Variants in ADGRD1 observed in about 807,000 individuals in gnomAD.
ADGRD1 encodes G-protein coupled receptor 133.
ADGRD1 carries 77 observed loss-of-function variants against 113.4 expected under a neutral mutation model. The ratio of observed to expected loss-of-function variants is 0.68; its 90% CI spans 0.57 to 0.82. The LOEUF (loss-of-function observed/expected upper bound fraction) is 0.82, where lower values mean the gene tolerates loss of function less well. Ranked by LOEUF, ADGRD1 falls within the 40% of genes least tolerant of loss-of-function variation. The probability of loss-of-function intolerance (pLI) is 0.00; values close to 1 mark genes in which losing one functional copy is unlikely to be tolerated. For missense variants in ADGRD1, 1,036 were observed against 1,139.1 expected (o/e 0.91, Z 1.30); for synonymous variants, 474 against 475.0 (o/e 1.00, Z 0.03).
In ADGRD1 at chr12:131,014,225, A is replaced by G; in HGVS notation, c.1358A>G (p.Asp453Gly). 1 of 1,614,092 alleles carries G rather than the reference A, an allele frequency of 6.2e-7. No individual in the cohort carries two copies. Among genetic ancestry groups the G allele is most frequent in the Non-Finnish European group, 8.5e-7 (1 of 1,179,988 alleles). The change falls in exon 13 of 25, where the codon GAC (aspartate) becomes GGC (glycine). Residue 453 changes from aspartate (D) to glycine (G), a missense_variant. Transcript: ENST00000261654. ...TKIAEAMHHQ[D>G]CLLFATSHLI... Reference sequence around the variant, plus strand: ...ATCGCGGAGGCCATGCATCACCAGGACTGCCTGCTGTTCGCCACCAGCCAC... The same window carrying G: ...ATCGCGGAGGCCATGCATCACCAGGGCTGCCTGCTGTTCGCCACCAGCCAC...
At chr12:131,042,221 AGTGCTGAAC>A (rs1410006065) in intron 13 of ADGRD1, among the ~76,000 whole-genome samples, 1 of 152,234 alleles carries the variant, frequency 6.6e-6, no homozygotes, top group Admixed American at 6.5e-5. Flanking sequence ...AAACAGCTTA[AGTGCTGAAC>A]AGGCCAAACC....
At chr12:131,066,706 G>A (rs1211594744) in intron 13 of ADGRD1, among the ~76,000 whole-genome samples, 1 of 152,220 alleles carries the variant, frequency 6.6e-6, no homozygotes, top group African/African-American at 2.4e-5. Context: ...GGAGCAGCAC[G>A]TGGGAGGCCT....
intron 11 of ADGRD1, among the ~76,000 whole-genome samples, chr12:131,005,028 C>G (rs985079713): frequency 6.6e-6 from 1 of 152,220 alleles, no homozygotes; most frequent in African/African-American, 2.4e-5. Context: ...GAGGCCACGC[C>G]CCCTTCCCAG....
intron 6 of ADGRD1, chr12:130,989,615 G>A (rs567358590): frequency 1.3e-5 from 2 of 152,378 alleles, no homozygotes; most frequent in East Asian, 3.9e-4. Context: ...GGCCACACAA[G>A]TAGGTAGAAG....
intron 6 of ADGRD1, chr12:130,989,272 C>G (rs1362777504): frequency 6.6e-6 from 1 of 152,238 alleles, no homozygotes; most frequent in Admixed American, 6.5e-5. Flanking sequence ...GCCCTCCTGA[C>G]AGTTTACTTG....
At chr12:131,072,449 G>A (rs140454412) in intron 13 of ADGRD1, among the ~76,000 whole-genome samples, 2,429 of 152,362 alleles carry the variant, frequency 0.016, 27 homozygotes, top group Middle Eastern at 0.054. Flanking sequence ...GGCTGTGCTT[G>A]TCTGCACAAG....
intron 15 of ADGRD1, among the ~76,000 whole-genome samples, chr12:131,089,451 A>G: frequency 6.6e-6 from 1 of 152,228 alleles, no homozygotes; most frequent in East Asian, 1.9e-4. Flanking sequence ...GCCTTCACAC[A>G]GCCGACCACC....
chr12:130,966,906 C>A lies in ADGRD1; in HGVS notation c.187+360C>A. On this transcript the variant is annotated intron_variant, in intron 3 of 24. Transcript: ENST00000261654. The surrounding 1 kb of genome is among the most constrained non-coding windows in gnomAD (Gnocchi z 4.6). ...AAGTGCTGGAATTACAGGCGTGAGC[C>A]ACTGTGCCAGGCCACGAAGCATTTT... 1 of 439,658 alleles carries A rather than the reference C, an allele frequency of 2.3e-6. No homozygotes were observed. Among genetic ancestry groups the A allele is most frequent in the Non-Finnish European group, 4.7e-6 (1 of 213,860 alleles). 27.2% of individuals were successfully genotyped at this position (439,658 alleles called of 1,614,324 possible).
In ADGRD1 at chr12:130,984,318, C is replaced by G. The variant is rs1012984593; in HGVS notation, c.490+2255C>G. Among the ~76,000 whole-genome samples, 2 of 152,154 alleles carry G rather than the reference C, an allele frequency of 1.3e-5. No individual in the cohort carries two copies. The highest frequency in any genetic ancestry group is 1.5e-5 in the Non-Finnish European group (1 of 68,024). ...TGGGGGAGGTGAGTAGGGGCCACCTCGTGATGGGGCAGCCGCCCTTCCACG... is the reference window on the plus strand; with the variant it reads ...TGGGGGAGGTGAGTAGGGGCCACCTGGTGATGGGGCAGCCGCCCTTCCACG... On this transcript the variant is annotated intron_variant, in intron 5 of 24. Coordinates refer to ENST00000261654, the MANE Select transcript of ADGRD1 (RefSeq NM_198827.5). The surrounding 1 kb of genome is among the most constrained non-coding windows in gnomAD (Gnocchi z 4.1).
intron 15 of ADGRD1, among the ~76,000 whole-genome samples, chr12:131,098,611 G>A (rs1372901071): frequency 6.6e-6 from 1 of 152,158 alleles, no homozygotes; most frequent in Non-Finnish European, 1.5e-5. Flanking sequence ...GGAGGTGGGT[G>A]CTCCAAGGGA....
chr12:131,008,805 A>G (rs1877510147), intron 12 of ADGRD1, among the ~76,000 whole-genome samples: 1 of 152,186 alleles, frequency 6.6e-6, no homozygotes. Flanking sequence ...CCTCCTGTGA[A>G]GATGGAAGCC....
Position 131,014,322 on chromosome 12 carries a change from C to T in ADGRD1, c.1455C>T (p.Val485=). The change falls in exon 13 of 25, where the codon GTC becomes GTT. Residue 485 remains valine (V), a synonymous_variant. Transcript: ENST00000261654. ...QNLSGSPLIT[V]HLKHRLTRKQ... is the part of the protein sequence containing the mutation. Reference sequence around the variant, plus strand: ...TGTCGGGCTCTCCACTCATTACGGTCCACCTCAAGCACAGATTGGTGAGTG... The same window carrying T: ...TGTCGGGCTCTCCACTCATTACGGTTCACCTCAAGCACAGATTGGTGAGTG... The T allele has an allele frequency of 6.2e-7, 1 of 1,613,814 alleles. No individual in the cohort carries two copies. Among genetic ancestry groups the T allele is most frequent in the Non-Finnish European group, 8.5e-7 (1 of 1,179,836 alleles).
intron 13 of ADGRD1, among the ~76,000 whole-genome samples, chr12:131,053,279 C>A (rs1176039987): frequency 2.6e-5 from 4 of 152,252 alleles, no homozygotes; most frequent in Non-Finnish European, 5.9e-5. Context: ...CTGCCCCGTT[C>A]CTGTGCTGTG....
intron 2 of ADGRD1, among the ~76,000 whole-genome samples, chr12:130,955,829 C>T (rs866005435): frequency 9.2e-5 from 14 of 152,168 alleles, no homozygotes; most frequent in African/African-American, 3.1e-4. Flanking sequence ...GTCACCCAGG[C>T]TGGAGTTGAG....
At chr12:131,125,613 T>G (rs140383600) in intron 20 of ADGRD1, among the ~76,000 whole-genome samples, 2 of 152,132 alleles carry the variant, frequency 1.3e-5, no homozygotes, top group Non-Finnish European at 2.9e-5. Context: ...AATACAGAGA[T>G]AGATACAGAT....
chr12:131,123,825 C>CAAAA (rs111915156), intron 20 of ADGRD1, among the ~76,000 whole-genome samples: 1 of 90,516 alleles, frequency 1.1e-5, no homozygotes, highest in Non-Finnish European at 2.2e-5. Context: ...GACTCCGTCT[C>CAAAA]AAAAAAAAAA....
intron 13 of ADGRD1, among the ~76,000 whole-genome samples, chr12:131,046,560 T>C (rs533124057): frequency 8.2e-6 from 1 of 122,142 alleles, no homozygotes; most frequent in Non-Finnish European, 1.7e-5. Context: ...CCCTGGCCAG[T>C]GTCCTCCCTG....
At chr12:131,042,061 G>C (rs1882187804) in intron 13 of ADGRD1, among the ~76,000 whole-genome samples, 1 of 152,168 alleles carries the variant, frequency 6.6e-6, no homozygotes, top group African/African-American at 2.4e-5. Context: ...GCCCCTGCAC[G>C]GGGCAGTTGC....
intron 11 of ADGRD1, among the ~76,000 whole-genome samples, chr12:131,005,595 C>T (rs1876980824): frequency 1.1e-5 from 1 of 93,338 alleles, no homozygotes; most frequent in South Asian, 2.8e-4. Context: ...GCTGGCACTG[C>T]CCCCTGTTGA....
Sources: gnomAD v4.1 joint callset for allele counts (sites outside exome capture counted in the v4.1 genomes callset) on GRCh38, gnomAD v4.1.1 for gene constraint, Gnocchi (gnomAD v3.1) non-coding constraint, MANE v1.5 for transcripts, NCBI Gene and HGNC (gene_info 2026-07-23, HGNC 2026-07-21) for gene names.